The following VRK2 variants were observed in gnomAD, a reference collection of about 807,000 sequenced individuals.
VRK2 encodes the protein VRK serine/threonine kinase 2, also known as serine/threonine-protein kinase VRK2.
Under a neutral mutation model 57.6 loss-of-function variants are expected in VRK2, and 60 were observed. That is an observed-to-expected ratio of 1.04 (90% CI 0.85 to 1.29). The LOEUF is 1.29. Ranked by LOEUF, VRK2 falls within the 50% of genes most tolerant of loss-of-function variation. The pLI, the probability that VRK2 is intolerant of heterozygous loss-of-function variation, is 0.00. For synonymous variants in VRK2, 231 were observed against 199.2 expected (o/e 1.16, Z -1.35); for missense variants, 705 against 588.1 (o/e 1.20, Z -2.06).
At chr2:58,050,976 C>G (rs1675640680) in intron 2 of VRK2, among the ~76,000 whole-genome samples, 1 of 152,150 alleles carries the variant, frequency 6.6e-6, no homozygotes, top group Non-Finnish European at 1.5e-5. Context: ...TCCCAAGCAT[C>G]TGGGACTACA....
intron 7 of VRK2, among the ~76,000 whole-genome samples, chr2:58,090,226 T>C (rs977295065): frequency 2.6e-5 from 4 of 151,938 alleles, no homozygotes; most frequent in African/African-American, 9.7e-5. Context: ...TGAAACCCTG[T>C]CTCTACTAAA....
chr2:58,110,903 C>A (rs1675463999), intron 7 of VRK2, among the ~76,000 whole-genome samples: 1 of 152,182 alleles, frequency 6.6e-6, no homozygotes, highest in African/African-American at 2.4e-5. Context: ...GAAATAGTCA[C>A]ACCCTCTCCA....
chr2:57,947,218 A>G (rs1161889357), intron 1 of VRK2, among the ~76,000 whole-genome samples: 2 of 152,182 alleles, frequency 1.3e-5, no homozygotes, highest in Non-Finnish European at 2.9e-5. Flanking sequence ...AGAGGTCATG[A>G]TTTTGTGAAG....
chr2:57,935,115 T>C (rs1329145667), intron 1 of VRK2, among the ~76,000 whole-genome samples: 2 of 152,206 alleles, frequency 1.3e-5, no homozygotes, highest in Admixed American at 6.5e-5. Flanking sequence ...GGGGATTTCT[T>C]TGGGGGTCTC....
At chr2:57,918,308 G>A (rs1293754066) in intron 1 of VRK2, among the ~76,000 whole-genome samples, 1 of 151,728 alleles carries the variant, frequency 6.6e-6, no homozygotes, top group Non-Finnish European at 1.5e-5. Flanking sequence ...AAGGAGGAGA[G>A]GGGGAGTGGA....
At chr2:57,966,988 T>C (rs751598505) in intron 1 of VRK2, among the ~76,000 whole-genome samples, 31 of 152,074 alleles carry the variant, frequency 2.0e-4, no homozygotes, top group Non-Finnish European at 3.8e-4. Flanking sequence ...ACGTTCGGTT[T>C]GAGAGGAATT....
At chr2:58,121,841 G>A (rs927338361) in intron 7 of VRK2, among the ~76,000 whole-genome samples, 1 of 152,104 alleles carries the variant, frequency 6.6e-6, no homozygotes, top group Non-Finnish European at 1.5e-5. Context: ...TTTTTCTGGG[G>A]AGGGGGAATG....
chr2:57,926,207 G>A (rs1670526094), intron 1 of VRK2, among the ~76,000 whole-genome samples: 1 of 151,818 alleles, frequency 6.6e-6, no homozygotes, highest in South Asian at 2.1e-4. Context: ...TGCAGCCATT[G>A]AATAAATTGT....
intron 1 of VRK2, among the ~76,000 whole-genome samples, chr2:57,931,563 T>C (rs1252877877): frequency 6.6e-6 from 1 of 152,228 alleles, no homozygotes; most frequent in East Asian, 1.9e-4. Context: ...TCTCATTCCA[T>C]AGTGTGCCTT....
rs367858664 is a variant in VRK2 at position 57,939,436 on chromosome 2, A to G, written c.-439+31597A>G. Among the ~76,000 whole-genome samples the G allele has an allele frequency of 1.8e-4, 27 of 152,242 alleles. No individual in the cohort carries two copies. In the East Asian group the frequency reaches 4.6e-3, roughly 26 times the overall value. On this transcript the variant is annotated intron_variant, in intron 1 of 15. Coordinates refer to the VRK2 transcript ENST00000417641. ...CTCCAGCTACCAGCCACTTTTTTCT[A>G]TAATAAAACAGACACATTACTTTCC...
At chr2:58,024,209 G>T (rs187072113) in intron 1 of VRK2, among the ~76,000 whole-genome samples, 6 of 152,184 alleles carry the variant, frequency 3.9e-5, no homozygotes, top group Admixed American at 3.9e-4. Context: ...CAAAGATGAG[G>T]AGAGAGGAGA....
At chr2:58,137,220 A>ATCATATATATGATACATATG (rs1215720524) in intron 10 of VRK2, among the ~76,000 whole-genome samples, 4 of 48,098 alleles carry the variant, frequency 8.3e-5, no homozygotes, top group South Asian at 4.9e-4. Flanking sequence ...TGATACATAT[A>ATCATATATATGATACATATG]TATCATATGA....
chr2:58,067,461 ATT>A, intron 2 of VRK2, among the ~76,000 whole-genome samples: 1 of 152,250 alleles, frequency 6.6e-6, no homozygotes, highest in Non-Finnish European at 1.5e-5. Context: ...TTTAAATGTA[ATT>A]AGGTTTTATA....
intron 8 of VRK2, among the ~76,000 whole-genome samples, chr2:58,125,339 T>C (rs1452337555): frequency 6.6e-6 from 1 of 152,154 alleles, no homozygotes; most frequent in African/African-American, 2.4e-5. Context: ...TCGTTTTCAT[T>C]GTGTTGTCTT....
intron 1 of VRK2, among the ~76,000 whole-genome samples, chr2:57,966,342 T>TTAGCTTCCCTAAGTCATG (rs761139292): frequency 5.4e-4 from 82 of 152,170 alleles, no homozygotes; most frequent in Non-Finnish European, 1.0e-3. Context: ...TTTGACCAAC[T>TTAGCTTCCCTAAGTCATG]TAGCTTCCCT....
In VRK2 at chr2:58,135,151, G is replaced by A. The variant is rs1213411092; in HGVS notation, c.808G>A (p.Glu270Lys). Residue 270 changes from glutamate (E) to lysine (K), a missense_variant, in exon 10 of 13, where the codon GAG becomes AAG. Physicochemically the swap from Glu to Lys is moderately conservative, Grantham distance 56 (BLOSUM62 1). Transcript: ENST00000340157. ...VQTAKTNLLD[E>K]LPQSVLKWAP... ...CTTATTTTGTTTTAGTCTGTTGGAC[G>A]AGCTCCCCCAGTCAGTGCTTAAATG... The A allele has an allele frequency of 5.0e-6, 8 of 1,614,102 alleles. No homozygotes were observed. Among genetic ancestry groups the A allele is most frequent in the African/African-American group, 2.7e-5 (2 of 75,028 alleles).
At chr2:58,101,480 C>T (rs1397404085) in intron 7 of VRK2, among the ~76,000 whole-genome samples, 6 of 151,816 alleles carry the variant, frequency 4.0e-5, no homozygotes, top group African/African-American at 1.2e-4. Context: ...CATTCCTTAA[C>T]GTCAGGTACA....
At chr2:58,086,609 A>G (rs1301759632) in intron 5 of VRK2, among the ~76,000 whole-genome samples, 183 bp downstream of exon 5, 3 of 152,158 alleles carry the variant, frequency 2.0e-5, no homozygotes, top group Non-Finnish European at 4.4e-5. Flanking sequence ...CTAGATCAGG[A>G]TCTCTAATAA....
chr2:57,929,571 C>G (rs1670653127), intron 1 of VRK2, among the ~76,000 whole-genome samples: 1 of 152,164 alleles, frequency 6.6e-6, no homozygotes, highest in East Asian at 1.9e-4. Flanking sequence ...GAGCTGGTAC[C>G]TAAGGTGGAA....
Sources: gnomAD v4.1 joint callset for allele counts (sites outside exome capture counted in the v4.1 genomes callset) on GRCh38, gnomAD v4.1.1 for gene constraint, MANE v1.5 for transcripts, NCBI Gene and HGNC (gene_info 2026-07-23, HGNC 2026-07-21) for gene names.